FAM177A1: variants seen among roughly 807,000 people sequenced by gnomAD.
FAM177A1 encodes the protein protein FAM177A1.
Under a neutral mutation model 26.1 loss-of-function variants are expected in FAM177A1, and 22 were observed. That is an observed-to-expected ratio of 0.84 (90% CI 0.60 to 1.20). The LOEUF (loss-of-function observed/expected upper bound fraction) is 1.20. Ranked by LOEUF, FAM177A1 falls within the 50% of genes most tolerant of loss-of-function variation. The pLI is 0.00. For missense variants in FAM177A1, 296 were observed against 291.1 expected (o/e 1.02, Z -0.12); for synonymous variants, 95 against 99.3 (o/e 0.96, Z 0.26).
intron 2 of FAM177A1, among the ~76,000 whole-genome samples, chr14:35,073,610 G>C (rs1312145851): frequency 6.6e-6 from 1 of 152,162 alleles, no homozygotes; most frequent in Non-Finnish European, 1.5e-5. Context: ...CTGACTTCAG[G>C]GACAAAGCAT....
intron 4 of FAM177A1, 51 bp from the exon 5 acceptor site, chr14:35,080,971 C>T: frequency 2.0e-6 from 3 of 1,483,170 alleles, no homozygotes; most frequent in Non-Finnish European, 2.7e-6. Context: ...CACTATATAC[C>T]TTTTGGACTT....
Position 35,078,505 on chromosome 14 carries a change from C to T in FAM177A1, c.407-422C>T, listed in dbSNP as rs145543235. Among the ~76,000 whole-genome samples the T allele has an allele frequency of 1.6e-3, 245 of 152,282 alleles. 2 individuals are homozygous for T. The highest frequency in any genetic ancestry group is 5.6e-3 in the African/African-American group (232 of 41,562). On this transcript the variant is annotated intron_variant, in intron 3 of 4. Transcript: ENST00000280987. Reference sequence around the variant, plus strand: ...TAGCTGGGATTACAGGTGCCCACCACCATGCCCAGCTAATTTTTGTATTTT... The same window carrying T: ...TAGCTGGGATTACAGGTGCCCACCATCATGCCCAGCTAATTTTTGTATTTT...
At chr14:35,070,705 A>G (rs1465491076) in intron 2 of FAM177A1, among the ~76,000 whole-genome samples, 2 of 152,200 alleles carry the variant, frequency 1.3e-5, no homozygotes, top group Non-Finnish European at 2.9e-5. Flanking sequence ...AAGTTTTGCA[A>G]TGTGAATGAA....
At chr14:35,077,510 C>T (rs1346566223) in intron 3 of FAM177A1, among the ~76,000 whole-genome samples, 1 of 120,412 alleles carries the variant, frequency 8.3e-6, no homozygotes, top group Non-Finnish European at 1.6e-5. Flanking sequence ...GAGTCTCGCT[C>T]TGTCGCCCAG....
chr14:35,060,311 T>G (rs1273665902), intron 2 of FAM177A1, among the ~76,000 whole-genome samples: 1 of 152,200 alleles, frequency 6.6e-6, no homozygotes, highest in African/African-American at 2.4e-5. Context: ...AATTTCTGTC[T>G]CTTTTTTGAT....
intron 2 of FAM177A1, among the ~76,000 whole-genome samples, chr14:35,070,577 C>G (rs527684846): frequency 1.3e-5 from 2 of 152,252 alleles, no homozygotes; most frequent in South Asian, 4.1e-4. Context: ...ATCTGCCCAC[C>G]TTGGCCTCCC....
chr14:35,068,112 T>C (rs1395861235), intron 2 of FAM177A1, among the ~76,000 whole-genome samples: 3 of 152,234 alleles, frequency 2.0e-5, no homozygotes, highest in Non-Finnish European at 4.4e-5. Flanking sequence ...ACCAATGTTA[T>C]GTAGTTTTCC....
chr14:35,047,126 C>T, intron 1 of FAM177A1: 1 of 479,914 alleles, frequency 2.1e-6, no homozygotes, highest in Non-Finnish European at 2.7e-6. Flanking sequence ...AACTAAGGCT[C>T]CGAGCTGCGC....
At chr14:35,053,076 A>G (rs2045000254) in intron 1 of FAM177A1, 2 of 493,596 alleles carry the variant, frequency 4.1e-6, no homozygotes, top group Non-Finnish European at 7.1e-6. Context: ...TGGTTTACAA[A>G]TGGTGGGTTT....
At chr14:35,053,595 AAAT>A (rs1426273555) in intron 2 of FAM177A1, 144 bp downstream of exon 2, 4 of 765,258 alleles carry the variant, frequency 5.2e-6, no homozygotes, top group Non-Finnish European at 8.5e-6. Context: ...TTTTGATAGA[AAAT>A]AATATTTTTA....
intron 2 of FAM177A1, among the ~76,000 whole-genome samples, chr14:35,071,799 G>A (rs1002520577): frequency 6.6e-6 from 1 of 152,014 alleles, no homozygotes; most frequent in Admixed American, 6.6e-5. Flanking sequence ...AAGTTTAGGG[G>A]TGTGACCCCC....
At chr14:35,058,899 CTG>C (rs2045104310) in intron 2 of FAM177A1, among the ~76,000 whole-genome samples, 1 of 152,010 alleles carries the variant, frequency 6.6e-6, no homozygotes, top group Non-Finnish European at 1.5e-5. Context: ...AAAAAAAAGT[CTG>C]TTTTGTCTGC....
chr14:35,056,524 T>G (rs2045064857), intron 2 of FAM177A1, among the ~76,000 whole-genome samples: 3 of 151,810 alleles, frequency 2.0e-5, no homozygotes, highest in Non-Finnish European at 4.4e-5. Context: ...TCTGGCTAAT[T>G]TTTTTTGTAT....
At position 35,053,438 on chromosome 14, in the gene FAM177A1, C is replaced by G. The variant is rs1217462952; in HGVS notation, c.326C>G (p.Pro109Arg). 1.2e-6 allele frequency: 2 copies of G among 1,614,022 alleles called. No homozygotes were observed. Among genetic ancestry groups the G allele is most frequent in the Non-Finnish European group, 1.7e-6 (2 of 1,179,984 alleles). Reference protein sequence around the residue: ...VDGLEKKDVLPTVDPTKLTWG... With the variant: ...VDGLEKKDVLRTVDPTKLTWG... ...GGCCTGGAGAAGAAAGATGTTTTGC[C>G]TACTGTTGATCCGGTAGGTTTGATA... The change falls in exon 2 of 5, where the codon CCT becomes CGT. Residue 109 changes from proline to arginine, a missense_variant. Transcript: ENST00000280987.
chr14:35,083,204 A>C lies in FAM177A1; in HGVS notation c.*1976A>C, dbSNP rs1431949291. 1 of 152,672 alleles carries C rather than the reference A, an allele frequency of 6.5e-6. No individual in the cohort carries two copies. Among genetic ancestry groups the C allele is most frequent in the Non-Finnish European group, 1.5e-5 (1 of 68,040 alleles). 9.5% of individuals were successfully genotyped at this position (152,672 alleles called of 1,614,324 possible). On this transcript the variant is annotated 3_prime_UTR_variant, in exon 5 of 5. Coordinates refer to ENST00000280987, the MANE Select transcript of FAM177A1 (RefSeq NM_173607.5). ...AGGTACTAGTATCTAGAGTTTACCC[A>C]GAAAATTTTATGATTGTAACAAAAG... is the stretch of plus-strand genomic sequence containing the variant.
At chr14:35,070,408 C>A (rs1290068194) in intron 2 of FAM177A1, among the ~76,000 whole-genome samples, 8 of 151,888 alleles carry the variant, frequency 5.3e-5, no homozygotes, top group African/African-American at 1.9e-4. Context: ...CGCCTCGCTG[C>A]AACCTCAGCC....
Position 35,053,299 on chromosome 14 carries a change from G to A in FAM177A1, c.187G>A (p.Glu63Lys). The change falls in exon 2 of 5, where the codon GAA (glutamate) becomes AAA (lysine). Residue 63 changes from glutamate to lysine, a missense_variant. Transcript: ENST00000280987. ...ATAGATGAGTAACGAAAGAGGCTTT[G>A]AAAATGTAGAACTGGGAGTCATAGG... is the stretch of plus-strand genomic sequence containing the variant. Reference protein sequence around the residue: ...AGQMSNERGFENVELGVIGKK... With the variant: ...AGQMSNERGFKNVELGVIGKK... 6.2e-7 allele frequency: 1 copy of A among 1,611,862 alleles called. No homozygotes were observed. Among genetic ancestry groups the A allele is most frequent in the Non-Finnish European group, 8.5e-7 (1 of 1,179,568 alleles).
intron 1 of FAM177A1, 97 bp downstream of exon 1, chr14:35,046,725 C>T: frequency 1.4e-6 from 2 of 1,425,394 alleles, no homozygotes; most frequent in East Asian, 2.8e-5. Flanking sequence ...GTCCTCCGAG[C>T]AGGCCGCCCC....
At chr14:35,065,635 A>C (rs1235865026) in intron 2 of FAM177A1, among the ~76,000 whole-genome samples, 1 of 151,938 alleles carries the variant, frequency 6.6e-6, no homozygotes, top group Non-Finnish European at 1.5e-5. Flanking sequence ...CACCAGCAAT[A>C]GATGGCTGTT....
Sources: gnomAD v4.1 joint callset for allele counts (sites outside exome capture counted in the v4.1 genomes callset) on GRCh38, gnomAD v4.1.1 for gene constraint, MANE v1.5 for transcripts, NCBI Gene and HGNC (gene_info 2026-07-23, HGNC 2026-07-21) for gene names.